TCN2: variants seen among roughly 807,000 people sequenced by gnomAD.
TCN2 encodes the protein transcobalamin 2, also known as transcobalamin-2.
In TCN2, 34 loss-of-function variants were observed where a neutral mutation model predicts 48.6. The observed-to-expected ratio is 0.70, with a 90% CI of 0.53 to 0.93. The LOEUF is 0.93. Ranked by LOEUF, TCN2 falls within the 40% of genes least tolerant of loss-of-function variation. TCN2 has a pLI of 0.00. For synonymous variants in TCN2, 283 were observed against 212.5 expected (o/e 1.33, Z -2.89); for missense variants, 652 against 526.1 (o/e 1.24, Z -2.34).
intron 8 of TCN2, among the ~76,000 whole-genome samples, chr22:30,625,583 C>T (rs1026925042): frequency 1.3e-5 from 2 of 152,120 alleles, no homozygotes; most frequent in Non-Finnish European, 2.9e-5. Flanking sequence ...CCACCTCAGC[C>T]TCCTGAGTAC....
intron 1 of TCN2, among the ~76,000 whole-genome samples, chr22:30,610,570 C>T (rs577940139): frequency 6.6e-6 from 1 of 152,258 alleles, no homozygotes. Context: ...TGCCCGGGCA[C>T]ACCAGTCTCA....
chr22:30,612,373 A>G (rs1431994124), intron 2 of TCN2, among the ~76,000 whole-genome samples: 7 of 152,128 alleles, frequency 4.6e-5, no homozygotes, highest in African/African-American at 1.7e-4. Context: ...ACATAGTGAA[A>G]CCCTGTCTCT....
At chr22:30,615,859 A>T in intron 6 of TCN2, 72 bp downstream of exon 6, 1 of 1,586,856 alleles carries the variant, frequency 6.3e-7, no homozygotes, top group Non-Finnish European at 8.6e-7. Flanking sequence ...CAGTGAGGGG[A>T]GGTTGCTTCA....
At chr22:30,623,267 G>T in intron 8 of TCN2, 184 bp downstream of exon 8, 1 of 541,424 alleles carries the variant, frequency 1.8e-6, no homozygotes, top group Non-Finnish European at 3.3e-6. Flanking sequence ...GCAAGTTACT[G>T]TGGAAATTCT....
chr22:30,607,426 T>C, intron 1 of TCN2, 31 bp downstream of exon 1: 2 of 1,613,418 alleles, frequency 1.2e-6, no homozygotes, highest in Non-Finnish European at 1.7e-6. Context: ...CTGTGCCTCT[T>C]TCCTCCTGGG....
rs1818122174 is a variant in TCN2 at position 30,626,736 on chromosome 22, T to C, written c.*215T>C. 3.2e-6 allele frequency: 2 copies of C among 629,350 alleles called. No homozygotes were observed. The highest frequency in any genetic ancestry group is 1.9e-5 in the South Asian group (1 of 53,372). The allele number at this position is 629,350 out of a possible 1,614,324, so 39.0% of individuals were successfully genotyped here. A position where few individuals can be genotyped will look rare whatever the true frequency, so the allele number is the denominator to read the frequency against. Reference sequence around the variant, plus strand: ...AGCCAAGCATCTTCCCTGGGAAGTCTTTCTGGCCAAGTCTGGCCAGCCTGG... The same window carrying C: ...AGCCAAGCATCTTCCCTGGGAAGTCCTTCTGGCCAAGTCTGGCCAGCCTGG... On this transcript the variant is annotated 3_prime_UTR_variant, in exon 9 of 9. Coordinates refer to ENST00000215838, the MANE Select transcript of TCN2 (RefSeq NM_000355.4).
chr22:30,621,553 G>T (rs2087699837), intron 7 of TCN2, among the ~76,000 whole-genome samples: 1 of 152,098 alleles, frequency 6.6e-6, no homozygotes, highest in African/African-American at 2.4e-5. Context: ...TGCGACCTCA[G>T]GTCACTGCAA....
At chr22:30,614,253 G>T in intron 3 of TCN2, 96 bp from the exon 4 acceptor site, 2 of 1,505,116 alleles carry the variant, frequency 1.3e-6, no homozygotes, top group South Asian at 2.4e-5. Context: ...ACCCAAAAGA[G>T]CGTGTTGGAA....
chr22:30,618,763 C>T (rs1289217840), intron 7 of TCN2, among the ~76,000 whole-genome samples: 1 of 152,164 alleles, frequency 6.6e-6, no homozygotes, highest in Non-Finnish European at 1.5e-5. Context: ...CAGGCATGCA[C>T]CACCACACCC....
At chr22:30,626,036 C>T (rs762526049) in intron 8 of TCN2, among the ~76,000 whole-genome samples, 60 of 152,266 alleles carry the variant, frequency 3.9e-4, no homozygotes, top group Admixed American at 1.1e-3. Context: ...GGTTAAATAA[C>T]TTGTCCAGAG....
rs1456983114 is a variant in TCN2, at chr22:30,614,483, C to T, written c.562C>T (p.Gln188Ter). 9.9e-6 allele frequency: 16 copies of T among 1,614,168 alleles called. No individual in the cohort carries two copies. The highest frequency in any genetic ancestry group is 1.4e-5 in the Non-Finnish European group (16 of 1,180,026). Reference protein sequence around the residue: ...KLLYAVEPFHQGHHSVDTAAM... With the variant: ...KLLYAVEPFH ...TCTGTATGCTGTGGAACCTTTCCAC[C>T]AGGGCCACCATTCTGTGGGTGAGTA... Residue 188 changes from glutamine to a stop codon, truncating the protein, a stop_gained, in exon 4 of 9, where the codon CAG (glutamine) becomes TAG (stop). Transcript: ENST00000215838. LOFTEE classifies it high-confidence loss of function.
chr22:30,626,428 T>C lies in TCN2; in HGVS notation c.1223-32T>C, dbSNP rs746924069. 2.5e-6 allele frequency: 4 copies of C among 1,613,038 alleles called. No homozygotes were observed. In the South Asian group the frequency reaches 3.3e-5, roughly 13 times the overall value. On this transcript the variant is annotated intron_variant, in intron 8 of 8. Transcript: ENST00000215838. ...TTGCGGGGTGCGATATTCTGCCCAA[T>C]TCGCCCCTCCTTGCTCAATCTGTTT... is the stretch of plus-strand genomic sequence containing the variant.
chr22:30,620,855 CAGAT>C (rs552987598), intron 7 of TCN2, among the ~76,000 whole-genome samples: 62 of 152,300 alleles, frequency 4.1e-4, no homozygotes, highest in Admixed American at 5.9e-4. Context: ...ACTGCAGACA[CAGAT>C]AGACAGATGT....
At chr22:30,621,106 C>T (rs2087691335) in intron 7 of TCN2, among the ~76,000 whole-genome samples, 1 of 152,090 alleles carries the variant, frequency 6.6e-6, no homozygotes. Context: ...GATTCTCCTG[C>T]CTCAGCCTCC....
Position 30,625,348 on chromosome 22 carries a change from GT to G in TCN2, c.1223-1110del, listed in dbSNP as rs35307566. ...CTTTCTGGTGTTACCTGCTGGCTGT[GT>G]TCTCACATGGTGGAAGGAACATGGC... On this transcript the variant is annotated intron_variant, in intron 8 of 8. Transcript: ENST00000215838. Among the ~76,000 whole-genome samples the G allele has an allele frequency of 4.6e-3, 695 of 152,128 alleles. 35 individuals carry two copies. In the East Asian group the frequency reaches 0.12, roughly 26 times the overall value.
chr22:30,614,209 G>C lies in TCN2; in HGVS notation c.428-140G>C. 8 of 1,144,346 alleles carry C rather than the reference G, an allele frequency of 7.0e-6. 1 individual carries two copies. In the South Asian group the frequency reaches 1.1e-4, roughly 16 times the overall value. The allele number at this position is 1,144,346 out of a possible 1,614,324, so 70.9% of individuals were successfully genotyped here. The stretch of plus-strand genomic sequence containing the variant: ...CACACAGTGAGACCTCAGCACGTAT[G>C]GGCTGAGGCAATGAAGGAATGAAGG... On this transcript the variant is annotated intron_variant, in intron 3 of 8. Coordinates refer to ENST00000215838, the MANE Select transcript of TCN2 (RefSeq NM_000355.4).
chr22:30,613,834 T>C (rs2087573998), intron 3 of TCN2, among the ~76,000 whole-genome samples: 1 of 152,180 alleles, frequency 6.6e-6, no homozygotes, highest in African/African-American at 2.4e-5. Context: ...GCCCAGGCTG[T>C]GCTCATCCAT....
intron 2 of TCN2, 158 bp downstream of exon 2, chr22:30,611,221 G>A (rs938908455): frequency 7.8e-6 from 7 of 893,368 alleles, no homozygotes; most frequent in Middle Eastern, 2.3e-4. Context: ...AGAATGAAGG[G>A]GTTGGTTGGA....
intron 2 of TCN2, among the ~76,000 whole-genome samples, chr22:30,611,448 C>T (rs1449112157): frequency 2.0e-5 from 3 of 152,158 alleles, no homozygotes; most frequent in African/African-American, 7.2e-5. Flanking sequence ...CTGTATGCTC[C>T]CCTCCCATGC....
Sources: gnomAD v4.1 joint callset for allele counts (sites outside exome capture counted in the v4.1 genomes callset) on GRCh38, gnomAD v4.1.1 for gene constraint, MANE v1.5 for transcripts, NCBI Gene and HGNC (gene_info 2026-07-23, HGNC 2026-07-21) for gene names.